The following LCMT1 variants were observed in gnomAD, a reference collection of about 807,000 sequenced individuals.
The protein encoded by LCMT1 is leucine carboxyl methyltransferase 1, also known as [Phosphatase 2A protein]-leucine-carboxy methyltransferase 1.
A neutral mutation model predicts 47.7 loss-of-function variants in LCMT1; 32 were observed. The ratio of observed to expected loss-of-function variants is 0.67; its 90% CI spans 0.51 to 0.90. LCMT1 has a LOEUF of 0.90. Among genes scored for constraint, LCMT1 ranks in the 40% least tolerant of loss-of-function variants. The pLI is 0.00. For synonymous variants in LCMT1, 152 were observed against 149.7 expected (o/e 1.02, Z -0.11); for missense variants, 375 against 415.2 (o/e 0.90, Z 0.84).
chr16:25,155,821 C>T (rs1383152428), intron 5 of LCMT1, among the ~76,000 whole-genome samples: 1 of 152,100 alleles, frequency 6.6e-6, no homozygotes, highest in Admixed American at 6.5e-5. Context: ...GCTGGGACTA[C>T]AGCTGTGTGC....
rs146474809 is a variant in LCMT1 at position 25,131,124 on chromosome 16, A to C, written c.206-1278A>C. The stretch of plus-strand genomic sequence containing the variant: ...AGATTGAGAAATTGACCAAATGACT[A>C]TAATTCTTGTGTGTGCAGGGAATCT... On this transcript the variant is annotated intron_variant, in intron 2 of 10. Transcript: ENST00000399069. Among the ~76,000 whole-genome samples the C allele has an allele frequency of 1.0e-3, 158 of 152,386 alleles. 1 individual carries two copies. Among genetic ancestry groups the C allele is most frequent in the African/African-American group, 3.7e-3 (152 of 41,602 alleles).
chr16:25,166,894 T>G lies in LCMT1; in HGVS notation c.690+2176T>G, dbSNP rs550833300. On this transcript the variant is annotated intron_variant, in intron 7 of 10. Transcript: ENST00000399069. ...AATGGAAGCTGGCCTCACTGGTCTT[T>G]TCTTTTGATGTGAATAAATCCTGGA... 7.2e-5 allele frequency among the ~76,000 whole-genome samples: 11 copies of G among 152,304 alleles called. No homozygotes were observed. The South Asian group carries it at 1.9e-3, about 26-fold the overall frequency.
chr16:25,140,158 T>C lies in LCMT1; in HGVS notation c.328-13T>C. 2 of 1,590,006 alleles carry C rather than the reference T, an allele frequency of 1.3e-6. No individual in the cohort carries two copies. The highest frequency in any genetic ancestry group is 1.7e-6 in the Non-Finnish European group (2 of 1,162,150). On this transcript the variant is annotated splice_polypyrimidine_tract_variant and intron_variant, in intron 3 of 10. Coordinates refer to ENST00000399069, the MANE Select transcript of LCMT1 (RefSeq NM_016309.3). ...GAGTAAAGAAATAAAAAGTATTGTG[T>C]GTTTTTCCCCAGGATGAAGATCTTC...
intron 7 of LCMT1, among the ~76,000 whole-genome samples, chr16:25,165,719 T>A (rs1597601856): frequency 6.6e-6 from 1 of 151,312 alleles, no homozygotes; most frequent in Non-Finnish European, 1.5e-5. Flanking sequence ...GTTTCACCAT[T>A]TTGGCCAGGC....
chr16:25,129,911 G>A (rs1412471418), intron 2 of LCMT1, among the ~76,000 whole-genome samples: 2 of 152,204 alleles, frequency 1.3e-5, no homozygotes, highest in African/African-American at 4.8e-5. Context: ...GAGGACGTGG[G>A]TCTTTTACAG....
intron 4 of LCMT1, chr16:25,144,718 C>T (rs1367267037): frequency 1.3e-5 from 2 of 152,178 alleles, no homozygotes; most frequent in African/African-American, 4.8e-5. Flanking sequence ...CCTGTGTCAG[C>T]TTAGATGCTT....
chr16:25,128,386 C>A, intron 1 of LCMT1, 89 bp from the exon 2 acceptor site: 1 of 951,348 alleles, frequency 1.1e-6, no homozygotes, highest in Non-Finnish European at 1.6e-6. Flanking sequence ...CGTCGAGTTC[C>A]TTGATCTGGT....
chr16:25,119,052 G>C (rs1211710827), intron 1 of LCMT1, among the ~76,000 whole-genome samples: 1 of 152,216 alleles, frequency 6.6e-6, no homozygotes, highest in Non-Finnish European at 1.5e-5. Flanking sequence ...TTAGTCGGCT[G>C]TGGGGGTGTC....
At chr16:25,137,742 C>CT (rs397810983) in intron 3 of LCMT1, among the ~76,000 whole-genome samples, 1 of 73,200 alleles carries the variant, frequency 1.4e-5, no homozygotes, top group Non-Finnish European at 2.7e-5. Flanking sequence ...CTGTACTTGG[C>CT]GTCCTTTTTT....
At chr16:25,126,270 G>C (rs547953150) in intron 1 of LCMT1, 3 of 992,726 alleles carry the variant, frequency 3.0e-6, no homozygotes, top group Admixed American at 3.1e-5. Flanking sequence ...GTCAGTCCCA[G>C]ATGCCCTCCA....
intron 7 of LCMT1, 65 bp from the exon 8 acceptor site, chr16:25,169,047 G>T: frequency 8.9e-7 from 1 of 1,129,318 alleles, no homozygotes; most frequent in Non-Finnish European, 1.3e-6. Flanking sequence ...TAGGATGAAT[G>T]ATGTTTTATT....
chr16:25,170,919 A>G (rs957658484), intron 9 of LCMT1, 114 bp downstream of exon 9: 14 of 735,658 alleles, frequency 1.9e-5, no homozygotes, highest in Non-Finnish European at 3.1e-5. Context: ...TCATTAAAAA[A>G]CAAAAAACAA....
chr16:25,120,459 C>G lies in LCMT1; in HGVS notation c.114-8016C>G, dbSNP rs190422243. On this transcript the variant is annotated intron_variant, in intron 1 of 10. Transcript: ENST00000399069. ...TTTTTTTTTGAGACAGAGTCTCGCT[C>G]TGTCACCCAGGCTGGAGTACAGTGG... 1.2e-4 allele frequency among the ~76,000 whole-genome samples: 17 copies of G among 147,554 alleles called. 1 individual carries two copies. Among genetic ancestry groups the G allele is most frequent in the African/African-American group, 4.2e-4 (17 of 40,112 alleles).
Position 25,164,618 on chromosome 16 carries a change from C to G in LCMT1, c.590C>G (p.Ala197Gly). ...TTAAGATTGCCAACACTCCTGATAG[C>G]TGAATGTGTGCTGGTTTACATGACT... ...MNTQLPTLLI[A>G]ECVLVYMTPE... The change falls in exon 7 of 11, where the codon GCT (alanine) becomes GGT (glycine). Residue 197 changes from alanine (A) to glycine (G), a missense_variant. Transcript: ENST00000399069. 6.2e-7 allele frequency: 1 copy of G among 1,613,936 alleles called. No individual in the cohort carries two copies. Among genetic ancestry groups the G allele is most frequent in the East Asian group, 2.2e-5 (1 of 44,876 alleles).
chr16:25,169,435 G>C (rs277891), intron 8 of LCMT1: 1 of 416,382 alleles, frequency 2.4e-6, no homozygotes, highest in Non-Finnish European at 4.4e-6. Context: ...TTTGTATTAC[G>C]CAAATTTTCA....
chr16:25,155,300 G>T (rs149997902), intron 5 of LCMT1, among the ~76,000 whole-genome samples: 1 of 152,078 alleles, frequency 6.6e-6, no homozygotes, highest in Non-Finnish European at 1.5e-5. Context: ...GCCGGGTGTG[G>T]TGTCTCACAC....
At chr16:25,162,989 G>C (rs1442833581) in intron 6 of LCMT1, among the ~76,000 whole-genome samples, 3 of 152,184 alleles carry the variant, frequency 2.0e-5, no homozygotes, top group Non-Finnish European at 2.9e-5. Context: ...TCCCACCTCA[G>C]CTTCCTGAGT....
At position 25,168,850 on chromosome 16, in the gene LCMT1, G is replaced by A. The variant is rs571805720; in HGVS notation, c.691-262G>A. Among the ~76,000 whole-genome samples, 9 of 152,270 alleles carry A rather than the reference G, an allele frequency of 5.9e-5. No homozygotes were observed. In the South Asian group the frequency reaches 1.9e-3, roughly 32 times the overall value. Reference sequence around the variant, plus strand: ...CATACATGTGGGAGTGTGTCTGTAGGATAGATTGCTTTTGGTGGAATTGGT... The same window carrying A: ...CATACATGTGGGAGTGTGTCTGTAGAATAGATTGCTTTTGGTGGAATTGGT... On this transcript the variant is annotated intron_variant, in intron 7 of 10. Transcript: ENST00000399069.
At chr16:25,165,683 A>C (rs1961569389) in intron 7 of LCMT1, among the ~76,000 whole-genome samples, 1 of 151,544 alleles carries the variant, frequency 6.6e-6, no homozygotes, top group South Asian at 2.1e-4. Context: ...ACACCCAGCT[A>C]ATTTTGTATT....
Sources: allele counts gnomAD v4.1 joint callset (sites outside exome capture counted in the v4.1 genomes callset), GRCh38; gene constraint gnomAD v4.1.1; transcripts MANE v1.5; gene names NCBI Gene and HGNC (gene_info 2026-07-23, HGNC 2026-07-21).